The following DIP2A variants were observed in gnomAD, a reference collection of about 807,000 sequenced individuals.
DIP2A encodes disco-interacting protein 2 homolog A.
In DIP2A, 85 loss-of-function variants were observed where a neutral mutation model predicts 177.4. The ratio of observed to expected loss-of-function variants is 0.48; its 90% CI spans 0.40 to 0.57. The LOEUF (loss-of-function observed/expected upper bound fraction) is 0.57. Ranked by LOEUF, DIP2A falls within the 20% of genes least tolerant of loss-of-function variation. The probability of loss-of-function intolerance (pLI) is 0.00; values close to 1 mark genes in which losing one functional copy is unlikely to be tolerated. For missense variants in DIP2A, 1,791 were observed against 2,100.2 expected (o/e 0.85, Z 2.88); for synonymous variants, 886 against 881.8 (o/e 1.00, Z -0.08).
intron 1 of DIP2A, among the ~76,000 whole-genome samples, chr21:46,464,384 A>G (rs1292185704): frequency 3.3e-5 from 5 of 152,086 alleles, no homozygotes; most frequent in African/African-American, 1.2e-4. Flanking sequence ...CAAGAGCGAA[A>G]CTTCGTCTCA....
At chr21:46,478,672 G>A (rs1414351555) in intron 1 of DIP2A, among the ~76,000 whole-genome samples, 1 of 151,084 alleles carries the variant, frequency 6.6e-6, no homozygotes, top group African/African-American at 2.4e-5. Context: ...TTAGTTTCTG[G>A]GTAGTGGTCT....
chr21:46,554,551 C>T (rs1470312566), intron 26 of DIP2A, 24 bp from the exon 27 acceptor site: 5 of 1,607,472 alleles, frequency 3.1e-6, no homozygotes, highest in Non-Finnish European at 1.7e-6. Context: ...CCGGCCTCCT[C>T]ACAGCCAGTC....
At chr21:46,493,424 G>C (rs2057133996) in intron 3 of DIP2A, among the ~76,000 whole-genome samples, 2 of 152,072 alleles carry the variant, frequency 1.3e-5, no homozygotes, top group African/African-American at 4.8e-5. Context: ...CTTTTCGTGA[G>C]TGCCTTTTTC....
intron 12 of DIP2A, 103 bp downstream of exon 12, chr21:46,534,216 G>A (rs1043622991): frequency 5.3e-6 from 5 of 935,764 alleles, no homozygotes; most frequent in African/African-American, 3.3e-5. Flanking sequence ...GTTAAGTTTC[G>A]GCCTAAGAGT....
intron 3 of DIP2A, among the ~76,000 whole-genome samples, chr21:46,494,177 G>A (rs1052011173): frequency 2.0e-5 from 3 of 152,184 alleles, no homozygotes; most frequent in African/African-American, 7.2e-5. Context: ...TGGCTTCTAA[G>A]GAACAAGTTT....
At chr21:46,490,490 T>C in intron 2 of DIP2A, 110 bp from the exon 3 acceptor site, 1 of 1,301,792 alleles carries the variant, frequency 7.7e-7, no homozygotes, top group South Asian at 1.6e-5. Flanking sequence ...AAAGGCTCTT[T>C]GATAGAGGGT....
intron 25 of DIP2A, 190 bp from the exon 26 acceptor site, chr21:46,553,979 C>T (rs949289930): frequency 4.8e-6 from 3 of 631,016 alleles, no homozygotes; most frequent in East Asian, 4.0e-5. Context: ...GCCTGGCCAA[C>T]ATGGTGAAAC....
intron 9 of DIP2A, among the ~76,000 whole-genome samples, chr21:46,529,633 T>C (rs1297641702): frequency 2.0e-5 from 3 of 151,942 alleles, no homozygotes; most frequent in East Asian, 1.9e-4. Context: ...GTGAAAAATA[T>C]TAAATATGGC....
rs143259026 is a variant in DIP2A, at chr21:46,548,478, A to C, written c.2523-1293A>C. 2.6e-4 allele frequency among the ~76,000 whole-genome samples: 39 copies of C among 152,332 alleles called. No homozygotes were observed. In the East Asian group the frequency reaches 5.8e-3, roughly 23 times the overall value. On this transcript the variant is annotated intron_variant, in intron 21 of 37. Coordinates refer to ENST00000417564, the MANE Select transcript of DIP2A (RefSeq NM_015151.4). The stretch of plus-strand genomic sequence containing the variant: ...TTGGAAGTGGAACCACAACCAATTG[A>C]GAGTATATGTGCCATTGGAAGAAGA...
chr21:46,462,731 C>T (rs529991533), intron 1 of DIP2A: 4 of 150,676 alleles, frequency 2.7e-5, no homozygotes, highest in Admixed American at 2.6e-4. Flanking sequence ...AGAAGCTTAA[C>T]AGTGACAAAG....
rs572438904 is a variant in DIP2A, at chr21:46,556,749, G to A, written c.3499-190G>A. Reference sequence around the variant, plus strand: ...TGAAATTTTGTTTCAAAGATTTTTAGTGTACCATTTCTTGGGTATTATTTA... The same window carrying A: ...TGAAATTTTGTTTCAAAGATTTTTAATGTACCATTTCTTGGGTATTATTTA... On this transcript the variant is annotated intron_variant, in intron 29 of 37. Coordinates refer to ENST00000417564, the MANE Select transcript of DIP2A (RefSeq NM_015151.4). This position sits in a 1 kb window ranked among gnomAD's most constrained non-coding sequence, Gnocchi z 4.5. 7.1e-5 allele frequency: 39 copies of A among 550,554 alleles called. No individual in the cohort carries two copies. Among genetic ancestry groups the A allele is most frequent in the African/African-American group, 5.1e-4 (27 of 52,518 alleles). The allele number at this position is 550,554 out of a possible 1,614,324, so 34.1% of individuals were successfully genotyped here.
At chr21:46,518,434 G>A (rs1057064932) in intron 8 of DIP2A, among the ~76,000 whole-genome samples, 12 of 152,172 alleles carry the variant, frequency 7.9e-5, no homozygotes, top group South Asian at 4.1e-4. Context: ...AGCTACTCTC[G>A]TGAGAATATG....
intron 8 of DIP2A, among the ~76,000 whole-genome samples, chr21:46,527,889 C>A (rs2059171166): frequency 6.6e-6 from 1 of 152,068 alleles, no homozygotes; most frequent in South Asian, 2.1e-4. Context: ...TCTTCCTGTC[C>A]CATGGTCACC....
Position 46,569,423 on chromosome 21 carries a change from C to G in DIP2A, c.*1801C>G, listed in dbSNP as rs566389345. The G allele has an allele frequency of 2.8e-4, 42 of 149,148 alleles. No homozygotes were observed. The highest frequency in any genetic ancestry group is 5.5e-4 in the Non-Finnish European group (37 of 67,662). The allele number at this position is 149,148 out of a possible 1,614,324, so 9.2% of individuals were successfully genotyped here. A position where few individuals can be genotyped will look rare whatever the true frequency, so the allele number is the denominator to read the frequency against. On this transcript the variant is annotated 3_prime_UTR_variant, in exon 38 of 38. Transcript: ENST00000417564. ...ATCTATGTAACTTATTGTTGACATA[C>G]AGAGGTTTGGGAAGTAGTCTAATGG...
Position 46,556,921 on chromosome 21 carries a change from C to A in DIP2A, c.3499-18C>A. 1.3e-6 allele frequency: 2 copies of A among 1,502,968 alleles called. No homozygotes were observed. The highest frequency in any genetic ancestry group is 2.3e-5 in the Admixed American group (1 of 44,266). The allele number at this position is 1,502,968 out of a possible 1,614,324, so 93.1% of individuals were successfully genotyped here. On this transcript the variant is annotated intron_variant, in intron 29 of 37. Coordinates refer to ENST00000417564, the MANE Select transcript of DIP2A (RefSeq NM_015151.4). This position sits in a 1 kb window ranked among gnomAD's most constrained non-coding sequence, Gnocchi z 4.5. ...TTTCATTTCACTTTTTTTTTTTGAA[C>A]TTTATTTTACTCTTAAGATGTCGCA...
chr21:46,515,783 C>T (rs1005889359), intron 8 of DIP2A, among the ~76,000 whole-genome samples: 9 of 152,062 alleles, frequency 5.9e-5, no homozygotes, highest in Admixed American at 3.3e-4. Flanking sequence ...AGCAGTCTGC[C>T]GGCCTCCCTC....
rs2055964791 is a variant in DIP2A at position 46,477,543 on chromosome 21, T to TGTGTGTGTGTGTGTGTGTGTG, written c.92-7214_92-7213insGTGTGTGTGTGTGTGTGTGTG. ...CTCCGCCTAAAATAAAAAAAAAGAT[T>TGTGTGTGTGTGTGTGTGTGTG]TGTGTGTGTGTGTGTGTGTGTGTGT... On this transcript the variant is annotated intron_variant, in intron 1 of 37. Transcript: ENST00000417564. Among the ~76,000 whole-genome samples the TGTGTGTGTGTGTGTGTGTGTG allele has an allele frequency of 1.2e-3, 103 of 87,128 alleles. 1 individual carries two copies. Among genetic ancestry groups the TGTGTGTGTGTGTGTGTGTGTG allele is most frequent in the African/African-American group, 4.1e-3 (96 of 23,228 alleles). The allele number at this position is 87,128 out of a possible 152,430, so 57.2% of individuals were successfully genotyped here.
rs762098703 is a variant in DIP2A, at chr21:46,498,797, A to G, written c.619A>G (p.Thr207Ala). ...AGCCACGCCGGGGGCCGCCGCTACC[A>G]CTGCACTCGCAGGCCTCGAGGCCCA... ...AAATPGAAAT[T>A]ALAGLEAHTH... The change falls in exon 5 of 38, where the codon ACT becomes GCT. Residue 207 changes from threonine (T) to alanine (A), a missense_variant. Coordinates refer to ENST00000417564, the MANE Select transcript of DIP2A (RefSeq NM_015151.4). This position sits in a 1 kb window ranked among gnomAD's most constrained non-coding sequence, Gnocchi z 4.3. The G allele has an allele frequency of 2.5e-6, 4 of 1,613,562 alleles. No homozygotes were observed. In the South Asian group the frequency reaches 3.3e-5, roughly 13 times the overall value.
intron 5 of DIP2A, 98 bp from the exon 6 acceptor site, chr21:46,504,263 C>T (rs374380641): frequency 6.7e-7 from 1 of 1,483,818 alleles, no homozygotes; most frequent in Non-Finnish European, 9.2e-7. Context: ...ACTTAGAACT[C>T]AGCTAGTGGA....
Sources: gnomAD v4.1 joint callset for allele counts (sites outside exome capture counted in the v4.1 genomes callset) on GRCh38, gnomAD v4.1.1 for gene constraint, Gnocchi (gnomAD v3.1) non-coding constraint, MANE v1.5 for transcripts, NCBI Gene and HGNC (gene_info 2026-07-23, HGNC 2026-07-21) for gene names.